ANKRD24: variants seen among roughly 807,000 people sequenced by gnomAD.
ANKRD24 encodes ankyrin repeat domain-containing protein 24.
ANKRD24 carries 109 observed loss-of-function variants against 127.8 expected under a neutral mutation model. The observed-to-expected ratio is 0.85, with a 90% confidence interval of 0.73 to 1.00. The LOEUF is 1.00. ANKRD24 is among the 50% of genes least tolerant of loss of function. ANKRD24 has a pLI of 0.00. For synonymous variants in ANKRD24, 743 were observed against 671.1 expected (o/e 1.11, Z -1.66); for missense variants, 1,648 against 1,570.2 (o/e 1.05, Z -0.84).
At chr19:4,223,033 C>T (rs1254692215) in intron 20 of ANKRD24, among the ~76,000 whole-genome samples, 3 of 151,846 alleles carry the variant, frequency 2.0e-5, no homozygotes, top group African/African-American at 4.8e-5. Context: ...GCAGCCTCCA[C>T]CTTCCGGGTT....
intron 10 of ANKRD24, 94 bp from the exon 11 acceptor site, chr19:4,208,670 G>A: frequency 1.6e-6 from 2 of 1,250,604 alleles, no homozygotes; most frequent in Admixed American, 2.2e-5. Flanking sequence ...GATTCTTGGG[G>A]AAATCGGGAG....
chr19:4,211,922 C>T (rs182072157), intron 13 of ANKRD24, among the ~76,000 whole-genome samples: 18 of 151,866 alleles, frequency 1.2e-4, no homozygotes, highest in Admixed American at 6.6e-4. Context: ...GGAATGAGGC[C>T]GGGCGCGGTG....
chr19:4,217,814 T>G lies in ANKRD24; in HGVS notation c.2654T>G (p.Val885Gly). ...GCACGGGACGCCGCTGAGGCCCGAG[T>G]GGCTGAGCTGCCTGCGGCCTGCGAG... ...GRARDAAEAR[V>G]AELPAACEEA... Residue 885 changes from valine (V) to glycine (G), a missense_variant, in exon 18 of 22, where the codon GTG (valine) becomes GGG (glycine). Physicochemically the swap from Val to Gly is moderately radical, Grantham distance 109. Transcript: ENST00000318934. 1 of 1,389,350 alleles carries G rather than the reference T, an allele frequency of 7.2e-7. No individual in the cohort carries two copies. The highest frequency in any genetic ancestry group is 9.3e-7 in the Non-Finnish European group (1 of 1,076,744). The allele number at this position is 1,389,350 out of a possible 1,614,324, so 86.1% of individuals were successfully genotyped here.
chr19:4,216,476 G>A (rs1184662978), intron 17 of ANKRD24, 74 bp downstream of exon 17: 17 of 1,556,714 alleles, frequency 1.1e-5, no homozygotes, highest in South Asian at 2.4e-5. Context: ...GGCAGGGAAG[G>A]TGGCAAGGCT....
At position 4,217,350 on chromosome 19, in the gene ANKRD24, T is replaced by TG. The variant is rs1970161888; in HGVS notation, c.2192dup (p.Glu733GlyfsTer51). Reference sequence around the variant, plus strand: ...AAGTAGAGCTGGAGACCAGGATCCGTGGCTTGGAGGAGGCTCTCCGGCAGC... The same window carrying TG: ...AAGTAGAGCTGGAGACCAGGATCCGTGGGCTTGGAGGAGGCTCTCCGGCAGC... On this transcript the variant is annotated frameshift_variant, in exon 18 of 22. Transcript: ENST00000318934. LOFTEE classifies it high-confidence loss of function. 1 of 1,551,364 alleles carries TG rather than the reference T, an allele frequency of 6.4e-7. No homozygotes were observed. The highest frequency in any genetic ancestry group is 1.4e-5 in the African/African-American group (1 of 73,162).
chr19:4,186,979 A>G (rs1287301568), intron 2 of ANKRD24, among the ~76,000 whole-genome samples: 2 of 152,214 alleles, frequency 1.3e-5, no homozygotes, highest in African/African-American at 4.8e-5. Context: ...ATAAGTGACA[A>G]TGTGTATTTT....
At chr19:4,220,018 G>T (rs369592533) in intron 19 of ANKRD24, among the ~76,000 whole-genome samples, 1 of 152,124 alleles carries the variant, frequency 6.6e-6, no homozygotes, top group Admixed American at 6.5e-5. Flanking sequence ...TCGCTCTGTC[G>T]CCCAGGCTGG....
intron 9 of ANKRD24, 76 bp from the exon 10 acceptor site, chr19:4,207,705 C>A: frequency 6.3e-7 from 1 of 1,587,214 alleles, no homozygotes; most frequent in East Asian, 2.3e-5. Context: ...CTCTTCCCAG[C>A]CTGGCCTGGG....
intron 20 of ANKRD24, among the ~76,000 whole-genome samples, chr19:4,223,401 A>ATTTTTTTTTT (rs1173862080): frequency 1.1e-4 from 6 of 53,324 alleles, no homozygotes; most frequent in African/African-American, 5.7e-4. Flanking sequence ...ATATATATAT[A>ATTTTTTTTTT]TTTTTTTTTT....
At chr19:4,189,238 T>C (rs989591709) in intron 2 of ANKRD24, among the ~76,000 whole-genome samples, 2 of 141,858 alleles carry the variant, frequency 1.4e-5, no homozygotes, top group Non-Finnish European at 3.0e-5. Context: ...TAATTTTTCT[T>C]TCTTCTTTTT....
intron 1 of ANKRD24, among the ~76,000 whole-genome samples, chr19:4,184,128 C>T (rs983844583): frequency 2.0e-5 from 3 of 152,178 alleles, no homozygotes; most frequent in Non-Finnish European, 4.4e-5. Context: ...ACAGGCAGTC[C>T]GCTGCCAGCC....
In ANKRD24 at chr19:4,195,731, C is replaced by T. The variant is rs1599407824; in HGVS notation, c.37-3952C>T. On this transcript the variant is annotated intron_variant, in intron 2 of 21. Coordinates refer to ENST00000318934, the MANE Select transcript of ANKRD24 (RefSeq NM_001393985.1). The surrounding 1 kb of genome is among the most constrained non-coding windows in gnomAD (Gnocchi z 4.2). The stretch of plus-strand genomic sequence containing the variant: ...CCAACATGACAAAACCCCGTCTCTA[C>T]TAAAATACAAAAATTCGCTAGGCGT... Among the ~76,000 whole-genome samples, 1 of 152,182 alleles carries T rather than the reference C, an allele frequency of 6.6e-6. No homozygotes were observed. Among genetic ancestry groups the T allele is most frequent in the East Asian group, 1.9e-4 (1 of 5,152 alleles).
intron 20 of ANKRD24, among the ~76,000 whole-genome samples, chr19:4,223,298 T>C (rs1212724363): frequency 6.7e-6 from 1 of 149,300 alleles, no homozygotes; most frequent in Non-Finnish European, 1.5e-5. Context: ...GGTGCAATCA[T>C]AGCTCACTGA....
At position 4,217,621 on chromosome 19, in the gene ANKRD24, A is replaced by G. The variant is rs888675839; in HGVS notation, c.2461A>G (p.Ser821Gly). Residue 821 changes from serine (S) to glycine (G), a missense_variant, in exon 18 of 22, where the codon AGC becomes GGC. Ser to Gly is a moderately conservative substitution (Grantham distance 56). Transcript: ENST00000318934. The stretch of plus-strand genomic sequence containing the variant: ...GGCCTGCCTGGATGAGGCTCGGGCC[A>G]GCCGGCTGCTGGCGGAGGAGGAGGC... ...ASACLDEARA[S>G]RLLAEEEARG... The G allele has an allele frequency of 3.1e-6, 4 of 1,287,596 alleles. No individual in the cohort carries two copies. In the Admixed American group the frequency reaches 1.7e-4, roughly 55 times the overall value. 79.8% of individuals were successfully genotyped at this position (1,287,596 alleles called of 1,614,324 possible). A position where few individuals can be genotyped will look rare whatever the true frequency, so the allele number is the denominator to read the frequency against.
chr19:4,214,110 C>T (rs1969922852), intron 15 of ANKRD24, among the ~76,000 whole-genome samples: 2 of 152,198 alleles, frequency 1.3e-5, no homozygotes, highest in East Asian at 1.9e-4. Flanking sequence ...CACGTGCACC[C>T]GTCTTGTGCA....
At chr19:4,212,344 G>T in intron 13 of ANKRD24, 131 bp from the exon 14 acceptor site, 1 of 1,062,128 alleles carries the variant, frequency 9.4e-7, no homozygotes, top group South Asian at 1.5e-5. Context: ...TGAGCGGGCA[G>T]AATTCAGTAG....
At chr19:4,223,372 CATATATAT>C (rs59994305) in intron 20 of ANKRD24, among the ~76,000 whole-genome samples, 17,861 of 72,114 alleles carry the variant, frequency 0.25, 2,937 homozygotes, top group Non-Finnish European at 0.29. Flanking sequence ...CCTGGCCATA[CATATATAT>C]ATATATATAT....
rs990294950 is a variant in ANKRD24, at chr19:4,224,715, C to T, written c.*210C>T. ...ACGCACACACTGGTCAGTCTGGACC[C>T]GGGCCGTGACTGCCCCTCCCCCACC... is the stretch of plus-strand genomic sequence containing the variant. On this transcript the variant is annotated 3_prime_UTR_variant, in exon 22 of 22. Transcript: ENST00000318934. The T allele has an allele frequency of 1.9e-5, 11 of 582,542 alleles. No individual in the cohort carries two copies. Among genetic ancestry groups the T allele is most frequent in the African/African-American group, 5.6e-5 (3 of 53,524 alleles). The allele number at this position is 582,542 out of a possible 1,614,324, so 36.1% of individuals were successfully genotyped here. A position where few individuals can be genotyped will look rare whatever the true frequency, so the allele number is the denominator to read the frequency against.
At position 4,198,128 on chromosome 19, in the gene ANKRD24, G is replaced by T; in HGVS notation, c.37-1555G>T. 1 of 505,862 alleles carries T rather than the reference G, an allele frequency of 2.0e-6. No individual in the cohort carries two copies. The highest frequency in any genetic ancestry group is 2.7e-5 in the South Asian group (1 of 37,660). The allele number at this position is 505,862 out of a possible 1,614,324, so 31.3% of individuals were successfully genotyped here. On this transcript the variant is annotated intron_variant, in intron 2 of 21. Coordinates refer to ENST00000318934, the MANE Select transcript of ANKRD24 (RefSeq NM_001393985.1). This position sits in a 1 kb window ranked among gnomAD's most constrained non-coding sequence, Gnocchi z 6.1. ...GAGGAGGTGGAGATGGACGCCCGCG[G>T]GTCCCCTGGAGATGCAGCCGGCGGC...
Sources: gnomAD v4.1 joint callset for allele counts (sites outside exome capture counted in the v4.1 genomes callset) on GRCh38, gnomAD v4.1.1 for gene constraint, Gnocchi (gnomAD v3.1) non-coding constraint, MANE v1.5 for transcripts, NCBI Gene and HGNC (gene_info 2026-07-23, HGNC 2026-07-21) for gene names.